CACNA1C: variants seen among roughly 807,000 people sequenced by gnomAD.
The protein encoded by CACNA1C is calcium voltage-gated channel subunit alpha1 C.
A neutral mutation model predicts 229.0 loss-of-function variants in CACNA1C; 30 were observed. The observed-to-expected ratio is 0.13, with a 90% CI of 0.10 to 0.18. The LOEUF is 0.18. Among genes scored for constraint, CACNA1C ranks in the 10% least tolerant of loss-of-function variants. CACNA1C has a pLI of 1.00. For missense variants in CACNA1C, 1,658 were observed against 2,845.0 expected, an observed-to-expected ratio of 0.58 and a Z score of 9.49; for synonymous variants, 1,114 against 1,132.5, an observed-to-expected ratio of 0.98 and a Z score of 0.33.
intron 3 of CACNA1C, among the ~76,000 whole-genome samples, chr12:2,435,928 G>T (rs1444182141): frequency 6.6e-6 from 1 of 152,222 alleles, no homozygotes; most frequent in Non-Finnish European, 1.5e-5. Context: ...TGGCCAGGAG[G>T]CTGCAGAACC....
At chr12:2,283,229 G>T (rs1385465646) in intron 3 of CACNA1C, among the ~76,000 whole-genome samples, 1 of 152,122 alleles carries the variant, frequency 6.6e-6, no homozygotes, top group Non-Finnish European at 1.5e-5. Flanking sequence ...GAGTAGCAAG[G>T]TGCAAGGCTA....
chr12:2,326,231 A>C (rs764320518), intron 3 of CACNA1C, among the ~76,000 whole-genome samples: 6 of 152,198 alleles, frequency 3.9e-5, no homozygotes, highest in Non-Finnish European at 8.8e-5. Flanking sequence ...AGGAGGATAA[A>C]GGTGGACGGT....
chr12:2,293,034 T>A (rs939677522), intron 3 of CACNA1C, among the ~76,000 whole-genome samples: 1 of 152,162 alleles, frequency 6.6e-6, no homozygotes, highest in Non-Finnish European at 1.5e-5. Flanking sequence ...CCTTGATATA[T>A]GCCCAGGCAC....
intron 3 of CACNA1C, among the ~76,000 whole-genome samples, chr12:2,333,790 T>G (rs983549866): frequency 6.6e-6 from 1 of 152,188 alleles, no homozygotes; most frequent in Non-Finnish European, 1.5e-5. Flanking sequence ...TGCCTGCCAT[T>G]TGTGTAGCTC....
chr12:2,160,329 A>G (rs575346431), intron 3 of CACNA1C, among the ~76,000 whole-genome samples: 67 of 152,320 alleles, frequency 4.4e-4, no homozygotes, highest in African/African-American at 1.5e-3. Context: ...TCAGTGGCTG[A>G]ATAAACATGG....
chr12:2,445,868 T>C (rs879321184), intron 3 of CACNA1C, among the ~76,000 whole-genome samples: 2 of 152,102 alleles, frequency 1.3e-5, no homozygotes, highest in Non-Finnish European at 2.9e-5. Flanking sequence ...ATATTGCTGC[T>C]CTCTCTGCCA....
upstream of CACNA1C, chr12:2,052,886 C>T (rs2052658406): frequency 1.7e-5 from 11 of 662,692 alleles, no homozygotes; most frequent in Non-Finnish European, 2.0e-5. Flanking sequence ...CGTCTGCCTC[C>T]GGCGCGCCGG....
chr12:2,089,294 G>A (rs750851978), intron 1 of CACNA1C, among the ~76,000 whole-genome samples: 13 of 152,250 alleles, frequency 8.5e-5, no homozygotes, highest in Non-Finnish European at 1.6e-4. Context: ...GCGAGTGGTA[G>A]ACTAAGCATC....
chr12:2,565,359 C>T (rs962658686), intron 11 of CACNA1C, among the ~76,000 whole-genome samples: 48 of 151,076 alleles, frequency 3.2e-4, no homozygotes, highest in Middle Eastern at 3.4e-3. Context: ...CCCAGCTACT[C>T]GGGAGGCTGA....
At chr12:2,618,552 G>C (rs2081801463) in intron 29 of CACNA1C, among the ~76,000 whole-genome samples, 1 of 152,184 alleles carries the variant, frequency 6.6e-6, no homozygotes, top group Non-Finnish European at 1.5e-5. Context: ...GGCTGAGGCA[G>C]TGGGAAGAAT....
chr12:2,639,535 T>C lies in CACNA1C; in HGVS notation c.3912+5155T>C, dbSNP rs2093388664. On this transcript the variant is annotated intron_variant, in intron 30 of 46. Transcript: ENST00000399655. This position sits in a 1 kb window ranked among gnomAD's most constrained non-coding sequence, Gnocchi z 4.2. ...GAAGCCTTGATTATGCTTCCAGCTCTGGTGACTTAGAGCAATGAACTCCAT... is the reference window on the plus strand; with the variant it reads ...GAAGCCTTGATTATGCTTCCAGCTCCGGTGACTTAGAGCAATGAACTCCAT... Among the ~76,000 whole-genome samples the C allele has an allele frequency of 6.6e-6, 1 of 152,228 alleles. No individual in the cohort carries two copies. The highest frequency in any genetic ancestry group is 1.5e-5 in the Non-Finnish European group (1 of 68,038).
intron 3 of CACNA1C, among the ~76,000 whole-genome samples, chr12:2,185,971 G>C (rs1024542096): frequency 2.0e-5 from 3 of 151,812 alleles, no homozygotes; most frequent in African/African-American, 7.3e-5. Context: ...CTGATTGATT[G>C]GTTTTCTCAG....
At chr12:2,295,416 C>CT (rs1396191721) in intron 3 of CACNA1C, among the ~76,000 whole-genome samples, 4 of 152,168 alleles carry the variant, frequency 2.6e-5, no homozygotes, top group African/African-American at 9.7e-5. Context: ...AACGTCCTTC[C>CT]TTACTGTGCA....
At chr12:2,557,130 A>G (rs1351030323) in intron 11 of CACNA1C, among the ~76,000 whole-genome samples, 153 bp downstream of exon 11, 4 of 152,234 alleles carry the variant, frequency 2.6e-5, no homozygotes, top group Non-Finnish European at 5.9e-5. Flanking sequence ...GCCATCAAGA[A>G]AAAGCTTATG....
chr12:2,595,910 G>A lies in CACNA1C; in HGVS notation c.2700G>A (p.Thr900=), dbSNP rs200717140. 2.5e-5 allele frequency: 40 copies of A among 1,613,512 alleles called. No individual in the cohort carries two copies. The highest frequency in any genetic ancestry group is 4.0e-5 in the African/African-American group (3 of 74,894). Residue 900 remains threonine, a synonymous_variant, in exon 20 of 47, where the codon ACG becomes ACA. Coordinates refer to ENST00000399655, the MANE Select transcript of CACNA1C (RefSeq NM_000719.7). The surrounding 1 kb of genome is among the most constrained non-coding windows in gnomAD (Gnocchi z 4.1). ...AGTGCCACCGCATTGTCAATGACAC[G>A]ATCTTCACCAACCTGATCCTCTTCT... The part of the protein sequence containing the change: ...RLQCHRIVND[T]IFTNLILFFI...
At chr12:2,055,422 G>A (rs1378426618) in intron 1 of CACNA1C, among the ~76,000 whole-genome samples, 2 of 152,194 alleles carry the variant, frequency 1.3e-5, no homozygotes, top group African/African-American at 4.8e-5. Context: ...TAATAATAGT[G>A]ATTATTCACC....
intron 9 of CACNA1C, among the ~76,000 whole-genome samples, chr12:2,539,874 A>C (rs1431582708): frequency 6.6e-6 from 1 of 150,474 alleles, no homozygotes; most frequent in African/African-American, 2.5e-5. Context: ...GGAGGGTTTC[A>C]TAAAGATGCA....
chr12:2,599,382 A>G (rs182860938), intron 21 of CACNA1C, among the ~76,000 whole-genome samples: 3 of 152,292 alleles, frequency 2.0e-5, no homozygotes, highest in Non-Finnish European at 4.4e-5. Flanking sequence ...GGAACAGTGG[A>G]AGGGCCTGGA....
intron 4 of CACNA1C, among the ~76,000 whole-genome samples, chr12:2,450,329 C>G (rs188942611): frequency 5.3e-5 from 8 of 151,856 alleles, no homozygotes; most frequent in Non-Finnish European, 8.8e-5. Flanking sequence ...CCAAGGCGGG[C>G]GGATCACGAG....
Sources: gnomAD v4.1 joint callset for allele counts (sites outside exome capture counted in the v4.1 genomes callset) on GRCh38, gnomAD v4.1.1 for gene constraint, Gnocchi (gnomAD v3.1) non-coding constraint, MANE v1.5 for transcripts, NCBI Gene and HGNC (gene_info 2026-07-23, HGNC 2026-07-21) for gene names.